DNAH6: variants seen among roughly 807,000 people sequenced by gnomAD.
The protein encoded by DNAH6 is axonemal beta dynein heavy chain 6.
A neutral mutation model predicts 491.4 loss-of-function variants in DNAH6; 340 were observed. The observed-to-expected ratio is 0.69, with a 90% CI of 0.63 to 0.76. The LOEUF is 0.76. DNAH6 is among the 30% of genes least tolerant of loss of function. The pLI is 0.00. For synonymous variants in DNAH6, 1,603 were observed against 1,686.1 expected, an observed-to-expected ratio of 0.95 and a Z score of 1.21; for missense variants, 4,443 against 4,972.2, an observed-to-expected ratio of 0.89 and a Z score of 3.20.
chr2:84,782,281 A>G (rs1380247083), intron 65 of DNAH6, among the ~76,000 whole-genome samples: 1 of 152,196 alleles, frequency 6.6e-6, no homozygotes, highest in Non-Finnish European at 1.5e-5. Flanking sequence ...CTCAGGAACT[A>G]TTTTATTGGT....
intron 62 of DNAH6, among the ~76,000 whole-genome samples, chr2:84,741,858 G>A (rs1341074487): frequency 6.6e-6 from 1 of 152,180 alleles, no homozygotes; most frequent in Non-Finnish European, 1.5e-5. Flanking sequence ...CATATGTCAG[G>A]CACAAGGCCC....
intron 11 of DNAH6, among the ~76,000 whole-genome samples, chr2:84,571,668 C>G (rs927248566): frequency 2.0e-5 from 3 of 151,760 alleles, no homozygotes; most frequent in Non-Finnish European, 4.4e-5. Flanking sequence ...AATTCCAACA[C>G]TTTGGGAGGC....
intron 67 of DNAH6, 93 bp downstream of exon 67, chr2:84,785,849 G>A: frequency 7.8e-7 from 1 of 1,277,564 alleles, no homozygotes. Flanking sequence ...AAATGTCATT[G>A]TGAAATGCTG....
the DNAH6 span, among the ~76,000 whole-genome samples, chr2:84,465,744 G>A: frequency 6.6e-6 from 1 of 152,264 alleles, no homozygotes; most frequent in South Asian, 2.1e-4. Context: ...CAACCCTCTT[G>A]TTTCTTCTGA....
chr2:84,729,309 TG>T (rs2104965882), intron 61 of DNAH6, among the ~76,000 whole-genome samples: 1 of 152,224 alleles, frequency 6.6e-6, no homozygotes, highest in East Asian at 1.9e-4. Flanking sequence ...TAACTTGTCC[TG>T]ATAACACACT....
intron 60 of DNAH6, among the ~76,000 whole-genome samples, chr2:84,724,546 C>G (rs1309186025): frequency 2.0e-5 from 3 of 152,236 alleles, no homozygotes; most frequent in Non-Finnish European, 2.9e-5. Flanking sequence ...GACACTCCCT[C>G]TGTTTAAAAT....
intron 33 of DNAH6, among the ~76,000 whole-genome samples, chr2:84,650,074 T>C (rs1243618637): frequency 1.3e-5 from 2 of 152,182 alleles, no homozygotes; most frequent in Non-Finnish European, 2.9e-5. Flanking sequence ...TAAAATTGTT[T>C]TCTTTGTCTT....
In DNAH6 at chr2:84,547,254, C is replaced by T. The variant is rs543025934; in HGVS notation, c.931-14C>T. On this transcript the variant is annotated splice_polypyrimidine_tract_variant and intron_variant, in intron 5 of 76. Coordinates refer to ENST00000389394, the MANE Select transcript of DNAH6 (RefSeq NM_001370.2). ...AATATTTTTACTAAATAATAAATTC[C>T]TATTTTCATTCAGCATTTGCGACCA... The T allele has an allele frequency of 5.3e-6, 8 of 1,506,556 alleles. No individual in the cohort carries two copies. The highest frequency in any genetic ancestry group is 7.1e-6 in the Non-Finnish European group (8 of 1,122,218). 93.3% of individuals were successfully genotyped at this position (1,506,556 alleles called of 1,614,324 possible). A position where few individuals can be genotyped will look rare whatever the true frequency, so the allele number is the denominator to read the frequency against.
At chr2:84,640,640 G>C in intron 32 of DNAH6, 62 bp downstream of exon 32, 5 of 1,464,608 alleles carry the variant, frequency 3.4e-6, no homozygotes, top group Non-Finnish European at 4.6e-6. Flanking sequence ...CATTAAATGG[G>C]TAACTCAGGA....
At chr2:84,573,612 A>G (rs371501210) in intron 12 of DNAH6, 25 bp downstream of exon 12, 3 of 1,522,236 alleles carry the variant, frequency 2.0e-6, no homozygotes, top group Non-Finnish European at 2.6e-6. Context: ...TGTACTTACT[A>G]ATTATTTTTA....
intron 11 of DNAH6, among the ~76,000 whole-genome samples, chr2:84,561,977 T>C (rs1680727415): frequency 6.6e-6 from 1 of 152,144 alleles, no homozygotes; most frequent in South Asian, 2.1e-4. Flanking sequence ...ATATTTAACA[T>C]ATTTAATTGT....
intron 12 of DNAH6, among the ~76,000 whole-genome samples, chr2:84,574,089 T>C (rs1682182298): frequency 6.6e-6 from 1 of 152,112 alleles, no homozygotes; most frequent in Non-Finnish European, 1.5e-5. Flanking sequence ...ATCTACAATA[T>C]CCAAGTGCAA....
chr2:84,699,978 G>C (rs1283423186), intron 48 of DNAH6, among the ~76,000 whole-genome samples: 2 of 152,156 alleles, frequency 1.3e-5, no homozygotes, highest in African/African-American at 4.8e-5. Context: ...CTGTTTCAAT[G>C]GATGGTGGGA....
intron 30 of DNAH6, among the ~76,000 whole-genome samples, chr2:84,635,316 T>C (rs1359112583): frequency 6.6e-6 from 1 of 152,238 alleles, no homozygotes; most frequent in East Asian, 1.9e-4. Context: ...CTCACACTTA[T>C]TTCATCTTAC....
chr2:84,543,458 A>G (rs1678459868), intron 4 of DNAH6, among the ~76,000 whole-genome samples: 1 of 152,206 alleles, frequency 6.6e-6, no homozygotes, highest in African/African-American at 2.4e-5. Flanking sequence ...ATAAGGTGCT[A>G]TATCATATTT....
At chr2:84,494,584 T>C in the DNAH6 span, among the ~76,000 whole-genome samples, 7 of 152,176 alleles carry the variant, frequency 4.6e-5, no homozygotes, top group Admixed American at 1.3e-4. Flanking sequence ...GAATAATATC[T>C]GCATTCAAAC....
At chr2:84,563,269 A>G (rs1371264025) in intron 11 of DNAH6, among the ~76,000 whole-genome samples, 1 of 152,202 alleles carries the variant, frequency 6.6e-6, no homozygotes, top group Non-Finnish European at 1.5e-5. Context: ...GCTGGGTCAA[A>G]TGGTAGCTCT....
chr2:84,673,165 C>T (rs745730453), intron 40 of DNAH6, among the ~76,000 whole-genome samples: 23 of 152,084 alleles, frequency 1.5e-4, no homozygotes, highest in Admixed American at 1.4e-3. Flanking sequence ...GGAAAGGGAG[C>T]GTTTTACACC....
At chr2:84,598,010 C>CA (rs946643988) in intron 18 of DNAH6, among the ~76,000 whole-genome samples, 9 of 147,650 alleles carry the variant, frequency 6.1e-5, no homozygotes, top group East Asian at 2.0e-4. Context: ...AGAAGCCAGT[C>CA]AAAAAAAAAG....
Sources: gnomAD v4.1 joint callset for allele counts (sites outside exome capture counted in the v4.1 genomes callset) on GRCh38, gnomAD v4.1.1 for gene constraint, MANE v1.5 for transcripts, NCBI Gene and HGNC (gene_info 2026-07-23, HGNC 2026-07-21) for gene names.